Variants in KIF3A observed in about 807,000 individuals in gnomAD.
KIF3A encodes kinesin family member 3A, also known as kinesin-like protein KIF3A.
Under a neutral mutation model 92.6 loss-of-function variants are expected in KIF3A, and 27 were observed. The observed-to-expected ratio is 0.29, with a 90% confidence interval of 0.21 to 0.40. KIF3A has a LOEUF of 0.40. Ranked by LOEUF, KIF3A falls within the 10% of genes least tolerant of loss-of-function variation. KIF3A has a pLI of 1.00. For synonymous variants in KIF3A, 250 were observed against 275.4 expected, an observed-to-expected ratio of 0.91 and a Z score of 0.92; for missense variants, 581 against 872.6, an observed-to-expected ratio of 0.67 and a Z score of 4.21.
rs1428954605 is a variant in KIF3A, at chr5:132,724,830, TATATATATATATATATATATATATATTA to T, written c.510+1270_510+1297del. ...AAATATATATATATATATATATATA[TATATATATATATATATATATATATATTA>T]AAAAATCATTCTAAGAAAGGGATTA... On this transcript the variant is annotated intron_variant, in intron 4 of 18. Transcript: ENST00000403231. Among the ~76,000 whole-genome samples the T allele has an allele frequency of 1.8e-4, 7 of 38,162 alleles. 1 individual carries two copies. The highest frequency in any genetic ancestry group is 5.0e-4 in the African/African-American group (7 of 13,988). 25.0% of individuals were successfully genotyped at this position (38,162 alleles called of 152,430 possible). A position where few individuals can be genotyped will look rare whatever the true frequency, so the allele number is the denominator to read the frequency against.
At chr5:132,725,178 T>C (rs186940697) in intron 4 of KIF3A, among the ~76,000 whole-genome samples, 120 of 152,006 alleles carry the variant, frequency 7.9e-4, no homozygotes, top group African/African-American at 2.9e-3. Context: ...AAGCACAGAA[T>C]TAATCAGAAC....
chr5:132,710,964 C>A lies in KIF3A; in HGVS notation c.1223G>T (p.Arg408Ile). ...VGEDGEKRKKRRGSSSSSSSD... is the reference protein window; with the variant it reads ...VGEDGEKRKKIRGSSSSSSSD... ...GATTACTAAACAGAACTTACCCCTT[C>A]TTTTTTTCCTTTTCTCTCCATCTTC... is the stretch of plus-strand genomic sequence containing the variant. Residue 408 changes from arginine (R) to isoleucine (I), a missense_variant, in exon 9 of 19, where the codon AGA becomes ATA. Physicochemically the swap from Arg to Ile is moderately conservative, Grantham distance 97. Transcript: ENST00000403231. 6.2e-7 allele frequency: 1 copy of A among 1,613,634 alleles called. No homozygotes were observed. The highest frequency in any genetic ancestry group is 2.2e-5 in the East Asian group (1 of 44,816).
rs1435194127 is a variant in KIF3A, at chr5:132,734,387, T to G, written c.98A>C (p.Tyr33Ser). Reference protein sequence around the residue: ...PLNEREKSMCYKQAVSVDEMR... With the variant: ...PLNEREKSMCSKQAVSVDEMR... ...CTCATCCACACTGACAGCCTGTTTGTAGCACATTGATTTCTCTCTCTCATT... is the reference window on the plus strand; with the variant it reads ...CTCATCCACACTGACAGCCTGTTTGGAGCACATTGATTTCTCTCTCTCATT... Residue 33 changes from tyrosine to serine, a missense_variant, in exon 2 of 19, where the codon TAC (tyrosine) becomes TCC (serine). Tyr to Ser is a moderately radical substitution (Grantham distance 144). Coordinates refer to ENST00000403231, the MANE Select transcript of KIF3A (RefSeq NM_001300791.2). 1.2e-6 allele frequency: 2 copies of G among 1,614,156 alleles called. No individual in the cohort carries two copies. Among genetic ancestry groups the G allele is most frequent in the East Asian group, 4.5e-5 (2 of 44,874 alleles).
chr5:132,715,102 G>A (rs1245575620), intron 8 of KIF3A, among the ~76,000 whole-genome samples: 1 of 152,078 alleles, frequency 6.6e-6, no homozygotes, highest in Non-Finnish European at 1.5e-5. Context: ...CCCTGTTTAC[G>A]TGGTTCGCGA....
chr5:132,700,826 C>T (rs1335827758), intron 15 of KIF3A, 126 bp from the exon 16 acceptor site: 1 of 545,468 alleles, frequency 1.8e-6, no homozygotes, highest in Non-Finnish European at 3.2e-6. Flanking sequence ...ACTGATATAA[C>T]CTTTTTATAA....
chr5:132,689,154 G>A (rs1242735421), downstream of KIF3A, among the ~76,000 whole-genome samples: 1 of 152,168 alleles, frequency 6.6e-6, no homozygotes, highest in Non-Finnish European at 1.5e-5. Context: ...TCCGAAAAAG[G>A]ACTGAATACC....
At position 132,716,914 on chromosome 5, in the gene KIF3A, T is replaced by A. The variant is rs1380050077; in HGVS notation, c.687A>T (p.Glu229Asp). The change falls in exon 6 of 19, where the codon GAA (glutamate) becomes GAT (aspartate). Residue 229 changes from glutamate (E) to aspartate (D), a missense_variant. This residue lies in a region of KIF3A where 217 missense variants were observed against 299.7 expected (regional missense o/e 0.72). Transcript: ENST00000403231. The stretch of plus-strand genomic sequence containing the variant: ...TACCATCAATGCCTTTTTCACTGCA[T>A]TCTATAGTAATTGTAAAGATGGCAT... ...RSHAIFTITI[E>D]CSEKGIDGNM... is the part of the protein sequence containing the mutation. The A allele has an allele frequency of 6.2e-7, 1 of 1,613,834 alleles. No homozygotes were observed. The highest frequency in any genetic ancestry group is 8.5e-7 in the Non-Finnish European group (1 of 1,179,844).
intron 5 of KIF3A, among the ~76,000 whole-genome samples, chr5:132,717,245 A>T (rs187507706): frequency 3.9e-5 from 6 of 152,310 alleles, no homozygotes; most frequent in African/African-American, 1.4e-4. Context: ...AATACTGCCT[A>T]AAAAATAACT....
intron 5 of KIF3A, 137 bp from the exon 6 acceptor site, chr5:132,717,121 G>A (rs1409122709): frequency 4.2e-5 from 30 of 719,796 alleles, no homozygotes; most frequent in Non-Finnish European, 6.0e-5. Flanking sequence ...ATAAAGGCAT[G>A]GGTGTGTACT....
At chr5:132,720,524 C>T (rs1383060899) in intron 5 of KIF3A, 85 bp downstream of exon 5, 4 of 716,642 alleles carry the variant, frequency 5.6e-6, no homozygotes, top group African/African-American at 3.6e-5. Context: ...CCAGTCTCTA[C>T]AGGGTAAAGT....
downstream of KIF3A, chr5:132,692,446 C>T (rs1303690983): frequency 1.3e-5 from 2 of 152,198 alleles, no homozygotes; most frequent in African/African-American, 4.8e-5. Flanking sequence ...TAACATCTCT[C>T]CCAGATTTGC....
intron 1 of KIF3A, chr5:132,736,886 C>G (rs1043704307): frequency 1.4e-5 from 5 of 366,574 alleles, no homozygotes; most frequent in Admixed American, 4.0e-5. Flanking sequence ...CACCGCCACA[C>G]ACACAAAGAC....
At chr5:132,720,831 A>T in intron 4 of KIF3A, 117 bp from the exon 5 acceptor site, 1 of 592,634 alleles carries the variant, frequency 1.7e-6, no homozygotes. Context: ...TAAGATAGAC[A>T]CTGTTCCTAC....
At chr5:132,702,808 A>G in intron 13 of KIF3A, 77 bp downstream of exon 13, 1 of 1,429,560 alleles carries the variant, frequency 7.0e-7, no homozygotes. Flanking sequence ...CAATACGATT[A>G]TAGATATTTA....
intron 2 of KIF3A, among the ~76,000 whole-genome samples, chr5:132,729,147 G>A (rs1046634600): frequency 1.3e-5 from 2 of 152,006 alleles, no homozygotes; most frequent in Non-Finnish European, 2.9e-5. Flanking sequence ...GGAGGCGAGT[G>A]AGAGATAAAA....
chr5:132,706,906 G>A (rs1753231594), intron 10 of KIF3A, among the ~76,000 whole-genome samples: 1 of 152,078 alleles, frequency 6.6e-6, no homozygotes, highest in African/African-American at 2.4e-5. Context: ...AATTCACACT[G>A]TCCATATCAA....
At chr5:132,699,843 T>A (rs1040242452) in intron 17 of KIF3A, among the ~76,000 whole-genome samples, 5 of 151,804 alleles carry the variant, frequency 3.3e-5, no homozygotes, top group Non-Finnish European at 1.5e-5. Flanking sequence ...ATTACAGGCG[T>A]GAGCCACCAC....
At chr5:132,723,661 A>G (rs1753902976) in intron 4 of KIF3A, 1 of 152,254 alleles carries the variant, frequency 6.6e-6, no homozygotes. Flanking sequence ...AAGATGGATT[A>G]AAGACTTAAA....
At chr5:132,721,563 T>A (rs972455506) in intron 4 of KIF3A, 1 of 152,186 alleles carries the variant, frequency 6.6e-6, no homozygotes, top group Admixed American at 6.5e-5. Flanking sequence ...GGGAAAACGT[T>A]ATAAAGGTAG....
Sources: allele counts gnomAD v4.1 joint callset (sites outside exome capture counted in the v4.1 genomes callset), GRCh38; gene constraint gnomAD v4.1.1; regional missense constraint gnomAD v4.1.1; transcripts MANE v1.5; gene names NCBI Gene and HGNC (gene_info 2026-07-23, HGNC 2026-07-21).